The following CNGB3 variants were observed in gnomAD, a reference collection of about 807,000 sequenced individuals.
CNGB3 encodes the protein cyclic nucleotide-gated channel beta-3.
CNGB3 carries 86 observed loss-of-function variants against 92.8 expected under a neutral mutation model. That is an observed-to-expected ratio of 0.93 (90% CI 0.78 to 1.11). The LOEUF (loss-of-function observed/expected upper bound fraction) is 1.11. Among genes scored for constraint, CNGB3 ranks in the 50% least tolerant of loss-of-function variants. CNGB3 has a pLI of 0.00. For missense variants in CNGB3, 1,026 were observed against 956.8 expected, an observed-to-expected ratio of 1.07 and a Z score of -0.95; for synonymous variants, 333 against 332.7, an observed-to-expected ratio of 1.00 and a Z score of -0.01.
chr8:86,657,281 C>T, intron 6 of CNGB3: 1 of 301,902 alleles, frequency 3.3e-6, no homozygotes, highest in South Asian at 3.1e-5. Flanking sequence ...TACCTTGCTC[C>T]TCTAAGGATA....
At chr8:86,638,716 T>C (rs1240777850) in intron 10 of CNGB3, among the ~76,000 whole-genome samples, 1 of 152,090 alleles carries the variant, frequency 6.6e-6, no homozygotes, top group Non-Finnish European at 1.5e-5. Context: ...GAAATGAGAA[T>C]GTAGGAAGAC....
intron 11 of CNGB3, among the ~76,000 whole-genome samples, chr8:86,629,937 A>G (rs956778436): frequency 2.6e-5 from 4 of 152,092 alleles, no homozygotes; most frequent in Admixed American, 2.6e-4. Context: ...GAGGAAAACC[A>G]GGGCCTCACT....
chr8:86,669,134 A>C (rs1823807102), intron 4 of CNGB3, among the ~76,000 whole-genome samples: 1 of 151,172 alleles, frequency 6.6e-6, no homozygotes, highest in Non-Finnish European at 1.5e-5. Context: ...TGTAACTCCA[A>C]TATTACAGGA....
At chr8:86,696,301 G>C (rs1195354921) in intron 3 of CNGB3, among the ~76,000 whole-genome samples, 1 of 152,152 alleles carries the variant, frequency 6.6e-6, no homozygotes, top group African/African-American at 2.4e-5. Flanking sequence ...GTGCTTCCAA[G>C]AGAGTACAGC....
chr8:86,679,671 GC>G (rs1194119011), intron 3 of CNGB3, among the ~76,000 whole-genome samples: 1 of 151,974 alleles, frequency 6.6e-6, no homozygotes, highest in Admixed American at 6.6e-5. Context: ...GATTACAGTT[GC>G]CCACCACCAT....
At chr8:86,668,901 C>T (rs898560777) in intron 4 of CNGB3, among the ~76,000 whole-genome samples, 23 of 152,232 alleles carry the variant, frequency 1.5e-4, no homozygotes, top group African/African-American at 5.1e-4. Flanking sequence ...CGCCTGTAGT[C>T]CCAGCTCCTC....
chr8:86,660,437 G>T (rs184603136), intron 6 of CNGB3: 177 of 497,152 alleles, frequency 3.6e-4, no homozygotes, highest in African/African-American at 3.0e-3. Context: ...AATAGGGTGT[G>T]GTCTCAATGC....
In CNGB3 at chr8:86,743,506, G is replaced by A. The variant is rs763392637; in HGVS notation, c.122C>T (p.Thr41Ile). The A allele has an allele frequency of 1.9e-6, 3 of 1,614,004 alleles. No homozygotes were observed. The highest frequency in any genetic ancestry group is 4.5e-5 in the East Asian group (2 of 44,858). ...GGAATGTAGAGGACATACCTGTGCT[G>A]TGGTTTGCTGAGACTGATTACTTGG... ...SHPSNQSQQT[T>I]AQEENKGEEK... Residue 41 changes from threonine (T) to isoleucine (I), a missense_variant, in exon 1 of 18, where the codon ACA (threonine) becomes ATA (isoleucine). Physicochemically the swap from Thr to Ile is moderately conservative, Grantham distance 89. Transcript: ENST00000320005.
chr8:86,622,478 G>T (rs1211529467), intron 13 of CNGB3, among the ~76,000 whole-genome samples: 2 of 149,010 alleles, frequency 1.3e-5, no homozygotes, highest in African/African-American at 5.0e-5. Context: ...ATACACTTAT[G>T]TACCTTCCCC....
chr8:86,730,674 A>G (rs1456069827), intron 2 of CNGB3, among the ~76,000 whole-genome samples: 1 of 152,186 alleles, frequency 6.6e-6, no homozygotes, highest in African/African-American at 2.4e-5. Context: ...ATGATTAATG[A>G]TTATTTTCTG....
intron 6 of CNGB3, chr8:86,657,702 T>A: frequency 2.2e-6 from 1 of 456,246 alleles, no homozygotes; most frequent in South Asian, 1.7e-5. Context: ...CCACTTGTTG[T>A]GGTTGCCCAC....
rs1262787885 is a variant in CNGB3, at chr8:86,643,839, G to A, written c.1090C>T (p.Leu364=). The A allele has an allele frequency of 6.2e-7, 1 of 1,606,968 alleles. No individual in the cohort carries two copies. ...TAATAAACACAGGCATTAATGTGCA[G>A]AATAAACAGCAAGTATCCAGTTGTT... The part of the protein sequence containing the change: ...IRTTGYLLFI[L]HINACVYYWA... The change falls in exon 10 of 18, where the codon CTG becomes TTG. Residue 364 remains leucine, a synonymous_variant. Transcript: ENST00000320005.
chr8:86,669,306 T>C (rs887222547), intron 4 of CNGB3, among the ~76,000 whole-genome samples: 2 of 152,142 alleles, frequency 1.3e-5, no homozygotes, highest in African/African-American at 4.8e-5. Flanking sequence ...TTGTATATCT[T>C]AAAGTATACA....
intron 10 of CNGB3, among the ~76,000 whole-genome samples, chr8:86,641,830 A>G (rs1823194407): frequency 6.6e-6 from 1 of 151,950 alleles, no homozygotes; most frequent in Non-Finnish European, 1.5e-5. Flanking sequence ...AGAAACTTAT[A>G]ACAAATAATT....
chr8:86,664,611 T>C (rs1586002260), intron 6 of CNGB3, among the ~76,000 whole-genome samples: 1 of 152,158 alleles, frequency 6.6e-6, no homozygotes. Context: ...GGATTGACAA[T>C]AAACTTCCCT....
At chr8:86,707,281 A>T (rs1233241835) in intron 3 of CNGB3, among the ~76,000 whole-genome samples, 7 of 152,210 alleles carry the variant, frequency 4.6e-5, no homozygotes, top group African/African-American at 1.7e-4. Context: ...ACTTTTTAAT[A>T]AAGAGAGACA....
chr8:86,594,850 C>T (rs1294098320), intron 15 of CNGB3, among the ~76,000 whole-genome samples: 4 of 151,998 alleles, frequency 2.6e-5, no homozygotes, highest in African/African-American at 9.7e-5. Context: ...CTGGGATTAC[C>T]GGCACGTGCC....
At chr8:86,597,665 G>C (rs1475626141) in intron 15 of CNGB3, among the ~76,000 whole-genome samples, 1 of 152,096 alleles carries the variant, frequency 6.6e-6, no homozygotes, top group Admixed American at 6.5e-5. Context: ...GGAATGGGAA[G>C]ACAATGGGTG....
At chr8:86,598,711 T>G (rs1410728019) in intron 15 of CNGB3, among the ~76,000 whole-genome samples, 1 of 152,166 alleles carries the variant, frequency 6.6e-6, no homozygotes, top group Non-Finnish European at 1.5e-5. Flanking sequence ...CTACCCTCAG[T>G]CTTCACATGG....
Sources: allele counts gnomAD v4.1 joint callset (sites outside exome capture counted in the v4.1 genomes callset), GRCh38; gene constraint gnomAD v4.1.1; transcripts MANE v1.5; gene names NCBI Gene and HGNC (gene_info 2026-07-23, HGNC 2026-07-21).